Variants in ARIH1 observed in about 807,000 individuals in gnomAD.
The protein encoded by ARIH1 is ariadne RBR E3 ubiquitin protein ligase 1.
In ARIH1, 8 loss-of-function variants were observed where a neutral mutation model predicts 85.0. The observed-to-expected ratio is 0.09, with a 90% CI of 0.06 to 0.17. The LOEUF is 0.17. ARIH1 is among the 10% of genes least tolerant of loss of function. The pLI, the probability that ARIH1 is intolerant of heterozygous loss-of-function variation, is 1.00. For missense variants in ARIH1, 311 were observed against 718.1 expected, an observed-to-expected ratio of 0.43 and a Z score of 6.48; for synonymous variants, 238 against 253.6, an observed-to-expected ratio of 0.94 and a Z score of 0.59.
In ARIH1 at chr15:72,544,847, C is replaced by G; in HGVS notation, c.471C>G (p.Leu157=). The stretch of plus-strand genomic sequence containing the variant: ...ACTTTGATGGAAACCTGGAGAAGCT[C>G]TTTGCTGAGTGTCATGTAATTAATC... ...ERYFDGNLEK[L]FAECHVINPS... The change falls in exon 3 of 14, where the codon CTC becomes CTG. Residue 157 remains leucine (L), a synonymous_variant. Coordinates refer to ENST00000379887, the MANE Select transcript of ARIH1 (RefSeq NM_005744.5). 6.2e-7 allele frequency: 1 copy of G among 1,613,216 alleles called. No individual in the cohort carries two copies. Among genetic ancestry groups the G allele is most frequent in the Non-Finnish European group, 8.5e-7 (1 of 1,179,446 alleles).
In ARIH1 at chr15:72,586,793, A is replaced by T. The variant is rs1231818083; in HGVS notation, c.*3501A>T. 1 of 152,496 alleles carries T rather than the reference A, an allele frequency of 6.6e-6. No individual in the cohort carries two copies. The highest frequency in any genetic ancestry group is 2.4e-5 in the African/African-American group (1 of 41,096). The allele number at this position is 152,496 out of a possible 1,614,324, so 9.4% of individuals were successfully genotyped here. The stretch of plus-strand genomic sequence containing the variant: ...TTCTGCATCTCAGATATTGAATTTA[A>T]ATTGTTTGTGTTGTAACAGTGATAC... On this transcript the variant is annotated 3_prime_UTR_variant, in exon 14 of 14. Transcript: ENST00000379887.
chr15:72,474,885 CGGCGGCGGCGGT>C lies in ARIH1; in HGVS notation c.249_260del (p.Gly87_Gly90del), dbSNP rs751612173. 5.1e-5 allele frequency: 73 copies of C among 1,424,762 alleles called. No individual in the cohort carries two copies. The highest frequency in any genetic ancestry group is 9.1e-5 in the East Asian group (3 of 32,852). 88.3% of individuals were successfully genotyped at this position (1,424,762 alleles called of 1,614,324 possible). On this transcript the variant is annotated inframe_deletion, in exon 1 of 14. Coordinates refer to ENST00000379887, the MANE Select transcript of ARIH1 (RefSeq NM_005744.5). ...TGGGGCCCGGCGGTGGCGGCGGCGGCGGCGGCGGCGGTGGTGGTGGCGGGCCGGGGCATGAGC... is the reference window on the plus strand; with the variant it reads ...TGGGGCCCGGCGGTGGCGGCGGCGGCGGTGGTGGCGGGCCGGGGCATGAGC...
At chr15:72,538,409 T>C (rs902091561) in intron 2 of ARIH1, among the ~76,000 whole-genome samples, 4 of 152,220 alleles carry the variant, frequency 2.6e-5, no homozygotes, top group Non-Finnish European at 4.4e-5. Flanking sequence ...AAAAGCCTAC[T>C]TTATATCTTT....
rs536873227 is a variant in ARIH1, at chr15:72,475,274, T to A, written c.375+260T>A. On this transcript the variant is annotated intron_variant, in intron 1 of 13. Transcript: ENST00000379887. The stretch of plus-strand genomic sequence containing the variant: ...CGGAGGCCTTCGGTCGCCTAAGCCT[T>A]CTCTTGCGGGCAATTTCTGCCAGTC... 11 of 654,748 alleles carry A rather than the reference T, an allele frequency of 1.7e-5. No homozygotes were observed. In the Admixed American group the frequency reaches 4.0e-4, roughly 24 times the overall value. 40.6% of individuals were successfully genotyped at this position (654,748 alleles called of 1,614,324 possible).
rs539580671 is a variant in ARIH1, at chr15:72,595,073, T to C, written c.*11781T>C. The C allele has an allele frequency of 6.6e-6, 1 of 152,338 alleles. No homozygotes were observed. Among genetic ancestry groups the C allele is most frequent in the African/African-American group, 2.4e-5 (1 of 41,574 alleles). The allele number at this position is 152,338 out of a possible 1,614,324, so 9.4% of individuals were successfully genotyped here. A position where few individuals can be genotyped will look rare whatever the true frequency, so the allele number is the denominator to read the frequency against. On this transcript the variant is annotated 3_prime_UTR_variant, in exon 14 of 14. Transcript: ENST00000379887. The stretch of plus-strand genomic sequence containing the variant: ...TTTTGTGAGATGCGTTTTTAGCTTT[T>C]AATAAGATTATTATGTATTTCTCTT...
intron 5 of ARIH1, among the ~76,000 whole-genome samples, chr15:72,558,382 A>G (rs1198084118): frequency 6.6e-6 from 1 of 152,146 alleles, no homozygotes; most frequent in Non-Finnish European, 1.5e-5. Context: ...GCTCACTGCA[A>G]CCTCTGCCTC....
At position 72,582,715 on chromosome 15, in the gene ARIH1, T is replaced by C. The variant is rs531107689; in HGVS notation, c.1590-493T>C. Among the ~76,000 whole-genome samples the C allele has an allele frequency of 1.3e-5, 2 of 152,270 alleles. No homozygotes were observed. Among genetic ancestry groups the C allele is most frequent in the East Asian group, 3.9e-4 (2 of 5,182 alleles). On this transcript the variant is annotated intron_variant, in intron 13 of 13. Transcript: ENST00000379887. This position sits in a 1 kb window ranked among gnomAD's most constrained non-coding sequence, Gnocchi z 4.6. ...CAACATGAAGCTCTTTCTCCCAAAGTGACAAATGCTAGTGTCTTTTGAAAG... is the reference window on the plus strand; with the variant it reads ...CAACATGAAGCTCTTTCTCCCAAAGCGACAAATGCTAGTGTCTTTTGAAAG...
chr15:72,587,176 G>A lies in ARIH1; in HGVS notation c.*3884G>A, dbSNP rs188794899. 13 of 498,552 alleles carry A rather than the reference G, an allele frequency of 2.6e-5. No individual in the cohort carries two copies. Among genetic ancestry groups the A allele is most frequent in the Middle Eastern group, 5.9e-4 (1 of 1,704 alleles). The allele number at this position is 498,552 out of a possible 1,614,324, so 30.9% of individuals were successfully genotyped here. ...AAAGGAGGAAGATAAGGCTCACTGAGGTTAAATAACTCCCTCAATTTTTCA... is the reference window on the plus strand; with the variant it reads ...AAAGGAGGAAGATAAGGCTCACTGAAGTTAAATAACTCCCTCAATTTTTCA... On this transcript the variant is annotated 3_prime_UTR_variant, in exon 14 of 14. Coordinates refer to ENST00000379887, the MANE Select transcript of ARIH1 (RefSeq NM_005744.5).
Position 72,592,861 on chromosome 15 carries a change from G to A in ARIH1, c.*9569G>A, listed in dbSNP as rs1330837389. On this transcript the variant is annotated 3_prime_UTR_variant, in exon 14 of 14. Transcript: ENST00000379887. ...GTTTGGGGCAATTATGAATAAGGAT[G>A]CTATCGATATTCTTACACAGCCTTT... The A allele has an allele frequency of 6.6e-6, 1 of 152,160 alleles. No individual in the cohort carries two copies. The highest frequency in any genetic ancestry group is 6.5e-5 in the Admixed American group (1 of 15,268). The allele number at this position is 152,160 out of a possible 1,614,324, so 9.4% of individuals were successfully genotyped here. A position where few individuals can be genotyped will look rare whatever the true frequency, so the allele number is the denominator to read the frequency against.
chr15:72,523,288 G>C (rs1392928081), intron 2 of ARIH1, among the ~76,000 whole-genome samples: 7 of 152,204 alleles, frequency 4.6e-5, no homozygotes, highest in African/African-American at 1.7e-4. Flanking sequence ...GGTACATCCA[G>C]AAGTGGGATA....
rs559521700 is a variant in ARIH1, at chr15:72,518,810, T to C, written c.443+676T>C. 1.2e-4 allele frequency among the ~76,000 whole-genome samples: 18 copies of C among 151,532 alleles called. No homozygotes were observed. The South Asian group carries it at 3.8e-3, about 32-fold the overall frequency. ...TCAAAAAAAAAAAAAAAAAAAATTC[T>C]TGCTCACAAACCTTTAACCTGTTAT... On this transcript the variant is annotated intron_variant, in intron 2 of 13. Coordinates refer to ENST00000379887, the MANE Select transcript of ARIH1 (RefSeq NM_005744.5).
intron 6 of ARIH1, among the ~76,000 whole-genome samples, chr15:72,561,779 C>G (rs2064198410): frequency 6.6e-6 from 1 of 152,102 alleles, no homozygotes; most frequent in African/African-American, 2.4e-5. Flanking sequence ...ATCAGGAGTT[C>G]AAGACCAACA....
At chr15:72,534,325 G>C (rs1054780537) in intron 2 of ARIH1, among the ~76,000 whole-genome samples, 1 of 151,682 alleles carries the variant, frequency 6.6e-6, no homozygotes, top group Non-Finnish European at 1.5e-5. Flanking sequence ...GTGATCATAC[G>C]TTTAGGGGGG....
intron 2 of ARIH1, among the ~76,000 whole-genome samples, chr15:72,539,513 AAG>A (rs1281044251): frequency 9.9e-5 from 15 of 152,226 alleles, no homozygotes; most frequent in Non-Finnish European, 1.9e-4. Context: ...TGATAGCAGA[AAG>A]AAATAGAGCA....
At chr15:72,544,997 C>G in intron 3 of ARIH1, 33 bp downstream of exon 3, 2 of 1,499,432 alleles carry the variant, frequency 1.3e-6, no homozygotes, top group Non-Finnish European at 1.8e-6. Context: ...CTAGTGCTGA[C>G]TTTGTATTTC....
intron 1 of ARIH1, among the ~76,000 whole-genome samples, chr15:72,487,941 A>G (rs1434947621): frequency 6.6e-6 from 1 of 152,014 alleles, no homozygotes; most frequent in Non-Finnish European, 1.5e-5. Flanking sequence ...CCCCAGTTGC[A>G]CTGTTTGTAA....
intron 5 of ARIH1, among the ~76,000 whole-genome samples, chr15:72,556,275 T>C (rs1003294301): frequency 4.6e-5 from 7 of 152,232 alleles, no homozygotes; most frequent in South Asian, 2.1e-4. Flanking sequence ...GACATTGATA[T>C]AGGCCTGACA....
chr15:72,517,819 C>T (rs1025388213), intron 1 of ARIH1, among the ~76,000 whole-genome samples: 9 of 152,036 alleles, frequency 5.9e-5, no homozygotes, highest in Non-Finnish European at 8.8e-5. Context: ...TAGTAACTTA[C>T]TTTCTGTTTA....
intron 7 of ARIH1, among the ~76,000 whole-genome samples, chr15:72,564,032 G>A (rs2064208494): frequency 6.6e-6 from 1 of 152,178 alleles, no homozygotes; most frequent in Non-Finnish European, 1.5e-5. Context: ...ATTAGGGGAT[G>A]TCTTAATCAG....
Sources: allele counts gnomAD v4.1 joint callset (sites outside exome capture counted in the v4.1 genomes callset), GRCh38; gene constraint gnomAD v4.1.1; non-coding constraint Gnocchi (gnomAD v3.1); transcripts MANE v1.5; gene names NCBI Gene and HGNC (gene_info 2026-07-23, HGNC 2026-07-21).